Variants in TNS1 observed in about 807,000 individuals in gnomAD.
TNS1 encodes tensin-1.
TNS1 carries 62 observed loss-of-function variants against 168.6 expected under a neutral mutation model. That is an observed-to-expected ratio of 0.37 (90% CI 0.30 to 0.45). TNS1 has a LOEUF of 0.45. TNS1 is among the 20% of genes least tolerant of loss of function. TNS1 has a pLI of 1.00. For synonymous variants in TNS1, 934 were observed against 933.2 expected (o/e 1.00, Z -0.02); for missense variants, 2,240 against 2,339.4 (o/e 0.96, Z 0.88).
chr2:217,910,794 T>C (rs1392816604), intron 4 of TNS1, among the ~76,000 whole-genome samples: 2 of 150,280 alleles, frequency 1.3e-5, no homozygotes, highest in Non-Finnish European at 3.0e-5. Context: ...TGGGGACATC[T>C]GCTCTGAGAG....
At chr2:218,030,525 T>C (rs1162421859) in intron 1 of TNS1, among the ~76,000 whole-genome samples, 1 of 152,262 alleles carries the variant, frequency 6.6e-6, no homozygotes, top group Non-Finnish European at 1.5e-5. Flanking sequence ...CCAAGCTCCA[T>C]GCCTGGCCTA....
At chr2:218,001,316 A>T (rs1338254209) in intron 1 of TNS1, among the ~76,000 whole-genome samples, 2 of 152,058 alleles carry the variant, frequency 1.3e-5, no homozygotes, top group East Asian at 3.9e-4. Flanking sequence ...ACAAAATTTC[A>T]TCCCTACCTC....
intron 3 of TNS1, among the ~76,000 whole-genome samples, chr2:217,922,883 A>G (rs988777759): frequency 6.6e-6 from 1 of 151,620 alleles, no homozygotes; most frequent in Non-Finnish European, 1.5e-5. Flanking sequence ...TTCCAGGCCC[A>G]CTGGCCGGCC....
chr2:217,968,842 G>A (rs932463511), intron 3 of TNS1, among the ~76,000 whole-genome samples: 1 of 152,196 alleles, frequency 6.6e-6, no homozygotes, highest in East Asian at 1.9e-4. Flanking sequence ...TTACAGCTGT[G>A]CACCACCATG....
chr2:217,806,050 GCTGGCTCAGAC>G (rs1938989880), intron 32 of TNS1, among the ~76,000 whole-genome samples: 1 of 152,208 alleles, frequency 6.6e-6, no homozygotes. Context: ...CCCTTTCCCA[GCTGGCTCAGAC>G]CATGAGCAGG....
intron 3 of TNS1, among the ~76,000 whole-genome samples, chr2:217,974,867 T>C (rs1035408122): frequency 3.9e-5 from 6 of 152,196 alleles, no homozygotes; most frequent in African/African-American, 1.4e-4. Flanking sequence ...TCTCTGGGCA[T>C]CTGTAGTGTC....
chr2:217,815,979 C>T (rs1941830920), intron 24 of TNS1, among the ~76,000 whole-genome samples: 1 of 152,256 alleles, frequency 6.6e-6, no homozygotes, highest in Non-Finnish European at 1.5e-5. Flanking sequence ...GACAGCACCC[C>T]CACACACACC....
intron 3 of TNS1, among the ~76,000 whole-genome samples, chr2:217,929,601 C>T (rs1956208976): frequency 6.6e-6 from 1 of 152,114 alleles, no homozygotes; most frequent in Non-Finnish European, 1.5e-5. Flanking sequence ...TTTCATGATC[C>T]TGCCCACACT....
At chr2:217,891,730 C>A (rs1028017576) in intron 11 of TNS1, among the ~76,000 whole-genome samples, 1 of 152,218 alleles carries the variant, frequency 6.6e-6, no homozygotes, top group Non-Finnish European at 1.5e-5. Flanking sequence ...CTGCCACCTC[C>A]CAGCTTCCCC....
intron 1 of TNS1, among the ~76,000 whole-genome samples, chr2:217,999,464 T>C (rs1198827604): frequency 1.3e-5 from 2 of 152,200 alleles, no homozygotes; most frequent in African/African-American, 4.8e-5. Flanking sequence ...AGCCCAGGCA[T>C]TGCACTCTCG....
At chr2:217,808,776 G>A (rs377596347) in intron 30 of TNS1, 105 bp from the exon 31 acceptor site, 39 of 1,019,292 alleles carry the variant, frequency 3.8e-5, no homozygotes, top group Non-Finnish European at 4.6e-5. Context: ...TGTGGCTATC[G>A]CAGGTCCACA....
chr2:217,850,947 C>T (rs1947405329), intron 18 of TNS1, among the ~76,000 whole-genome samples: 4 of 152,104 alleles, frequency 2.6e-5, no homozygotes, highest in South Asian at 4.2e-4. Context: ...CTCTAGCCAT[C>T]GCCTCCGAGC....
At chr2:217,979,452 C>T (rs1017008386) in intron 2 of TNS1, among the ~76,000 whole-genome samples, 1 of 151,986 alleles carries the variant, frequency 6.6e-6, no homozygotes. Context: ...TCAGTTGCAG[C>T]CTGACACAGA....
intron 28 of TNS1, 149 bp from the exon 29 acceptor site, chr2:217,810,468 G>A (rs941600849): frequency 7.1e-6 from 5 of 707,766 alleles, no homozygotes; most frequent in Non-Finnish European, 1.2e-5. Context: ...GTTAGGCTCA[G>A]TCTGAACGTT....
intron 3 of TNS1, chr2:217,936,926 C>T (rs1206774855): frequency 4.6e-5 from 21 of 456,580 alleles, no homozygotes; most frequent in Non-Finnish European, 8.4e-5. Flanking sequence ...AGGCTCAGAC[C>T]CATGTAGCAG....
At chr2:217,885,870 AG>A in intron 14 of TNS1, 51 bp from the exon 15 acceptor site, 2 of 1,595,946 alleles carry the variant, frequency 1.3e-6, no homozygotes, top group Non-Finnish European at 1.7e-6. Flanking sequence ...AGGGGAGATG[AG>A]GGAGGGGCAT....
chr2:217,812,596 T>C (rs573432237), intron 27 of TNS1, 151 bp from the exon 28 acceptor site: 10 of 633,114 alleles, frequency 1.6e-5, no homozygotes, highest in African/African-American at 1.3e-4. Flanking sequence ...TCACACCCTC[T>C]TGTTGAACAA....
chr2:217,965,313 GC>G (rs1559391284), intron 3 of TNS1, among the ~76,000 whole-genome samples: 6 of 152,194 alleles, frequency 3.9e-5, no homozygotes, highest in Non-Finnish European at 8.8e-5. Flanking sequence ...TGCAAGGTCA[GC>G]ATGATATCAG....
intron 30 of TNS1, among the ~76,000 whole-genome samples, chr2:217,809,225 A>G (rs1473597800): frequency 0.014 from 994 of 70,674 alleles, 14 homozygotes; most frequent in East Asian, 0.048. Context: ...GCATGGATGG[A>G]TGGATGGATG....
Sources: gnomAD v4.1 joint callset for allele counts (sites outside exome capture counted in the v4.1 genomes callset) on GRCh38, gnomAD v4.1.1 for gene constraint, MANE v1.5 for transcripts, NCBI Gene and HGNC (gene_info 2026-07-23, HGNC 2026-07-21) for gene names.